CDH13: variants seen among roughly 807,000 people sequenced by gnomAD.
CDH13 encodes the protein cadherin-13.
CDH13 carries 24 observed loss-of-function variants against 63.8 expected under a neutral mutation model. The observed-to-expected ratio is 0.38, with a 90% CI of 0.27 to 0.53. The LOEUF is 0.53. CDH13 is among the 20% of genes least tolerant of loss of function. CDH13 has a pLI of 0.85. For synonymous variants in CDH13, 503 were observed against 355.3 expected (o/e 1.42, Z -4.67); for missense variants, 1,049 against 903.1 (o/e 1.16, Z -2.07).
chr16:83,645,994 T>C (rs1484047087), intron 8 of CDH13, among the ~76,000 whole-genome samples: 2 of 152,208 alleles, frequency 1.3e-5, no homozygotes, highest in African/African-American at 4.8e-5. Context: ...AAATGTCTGC[T>C]GTAGGTTTGC....
intron 1 of CDH13, among the ~76,000 whole-genome samples, chr16:82,788,067 C>G (rs7185386): frequency 0.098 from 14,834 of 152,134 alleles, 764 homozygotes; most frequent in East Asian, 0.22. Flanking sequence ...AATAATAAGT[C>G]AGTGCTCTCT....
At chr16:83,335,663 G>T (rs901850699) in intron 5 of CDH13, among the ~76,000 whole-genome samples, 6 of 152,234 alleles carry the variant, frequency 3.9e-5, no homozygotes, top group African/African-American at 1.4e-4. Context: ...GTTAAAGATT[G>T]ACCCCTGACC....
At chr16:83,260,548 A>G (rs892915955) in intron 5 of CDH13, among the ~76,000 whole-genome samples, 2 of 152,192 alleles carry the variant, frequency 1.3e-5, no homozygotes, top group Non-Finnish European at 2.9e-5. Flanking sequence ...AACTCTGTGC[A>G]TCGGAATCAC....
At chr16:82,921,890 G>C (rs562809019) in intron 2 of CDH13, among the ~76,000 whole-genome samples, 1 of 151,910 alleles carries the variant, frequency 6.6e-6, no homozygotes, top group Non-Finnish European at 1.5e-5. Flanking sequence ...GCTTTTCTTT[G>C]CAGAAATATT....
At chr16:83,608,347 A>C (rs1908540149) in intron 8 of CDH13, among the ~76,000 whole-genome samples, 1 of 152,226 alleles carries the variant, frequency 6.6e-6, no homozygotes, top group East Asian at 1.9e-4. Context: ...GTCAAGCTGC[A>C]AGTGAGCCAT....
At chr16:82,831,435 G>C (rs1215665513) in intron 1 of CDH13, among the ~76,000 whole-genome samples, 2 of 151,922 alleles carry the variant, frequency 1.3e-5, no homozygotes, top group African/African-American at 4.8e-5. Flanking sequence ...GGAGATCCTG[G>C]GAAATGGCAT....
chr16:83,702,278 C>G (rs1419640913), intron 10 of CDH13, among the ~76,000 whole-genome samples: 1 of 152,126 alleles, frequency 6.6e-6, no homozygotes, highest in East Asian at 1.9e-4. Flanking sequence ...GTAATAATAG[C>G]TTCTGTGATA....
At chr16:82,689,644 T>A (rs1915438665) in intron 1 of CDH13, among the ~76,000 whole-genome samples, 2 of 152,118 alleles carry the variant, frequency 1.3e-5, no homozygotes, top group African/African-American at 4.8e-5. Flanking sequence ...ATGTTTAACA[T>A]AAATCAGGAT....
At chr16:83,740,572 C>T (rs1359746243) in intron 10 of CDH13, among the ~76,000 whole-genome samples, 1 of 152,160 alleles carries the variant, frequency 6.6e-6, no homozygotes, top group Non-Finnish European at 1.5e-5. Flanking sequence ...AGTTTTGGTC[C>T]ATGTGCCATC....
At chr16:82,835,722 T>G (rs1040838535) in intron 1 of CDH13, among the ~76,000 whole-genome samples, 2 of 152,200 alleles carry the variant, frequency 1.3e-5, no homozygotes, top group African/African-American at 4.8e-5. Context: ...CTAGTTTTGC[T>G]GGTCTCAACT....
At chr16:83,115,021 G>A (rs775571473) in intron 3 of CDH13, among the ~76,000 whole-genome samples, 28 of 152,114 alleles carry the variant, frequency 1.8e-4, no homozygotes, top group Admixed American at 8.5e-4. Flanking sequence ...TTTAGCCAGG[G>A]GCTGGAGATT....
At chr16:82,962,534 TC>T (rs1365237449) in intron 2 of CDH13, among the ~76,000 whole-genome samples, 1 of 152,130 alleles carries the variant, frequency 6.6e-6, no homozygotes, top group African/African-American at 2.4e-5. Context: ...AGAGATGGGG[TC>T]CATGAGAAGG....
chr16:83,538,618 A>G (rs1216419428), intron 7 of CDH13, among the ~76,000 whole-genome samples: 1 of 152,212 alleles, frequency 6.6e-6, no homozygotes, highest in East Asian at 1.9e-4. Flanking sequence ...CATAGAGGAA[A>G]AGGGTAGATT....
At chr16:83,612,159 A>C (rs1908917139) in intron 8 of CDH13, among the ~76,000 whole-genome samples, 1 of 152,054 alleles carries the variant, frequency 6.6e-6, no homozygotes, top group Admixed American at 6.6e-5. Flanking sequence ...GGTACTATTA[A>C]ATTTTTAAAA....
intron 3 of CDH13, among the ~76,000 whole-genome samples, chr16:83,042,302 A>G (rs12932592): frequency 0.23 from 35,296 of 152,132 alleles, 4,785 homozygotes; most frequent in African/African-American, 0.36. Context: ...CTGCCTGAGC[A>G]CTGCCTGCTG....
At chr16:83,008,757 C>T (rs552666106) in intron 2 of CDH13, among the ~76,000 whole-genome samples, 21 of 152,286 alleles carry the variant, frequency 1.4e-4, no homozygotes, top group Non-Finnish European at 2.2e-4. Context: ...TTTCTCCCTC[C>T]TTCCTTTCAT....
chr16:83,706,296 A>G (rs1382126912), intron 10 of CDH13, among the ~76,000 whole-genome samples: 1 of 152,176 alleles, frequency 6.6e-6, no homozygotes, highest in Non-Finnish European at 1.5e-5. Flanking sequence ...GCCTTTTATG[A>G]TCCAGCCTCA....
At chr16:83,510,198 T>C (rs2074524133) in intron 7 of CDH13, among the ~76,000 whole-genome samples, 1 of 151,972 alleles carries the variant, frequency 6.6e-6, no homozygotes, top group Admixed American at 6.6e-5. Context: ...TATTTTCGAG[T>C]GGATAAAGTG....
intron 6 of CDH13, among the ~76,000 whole-genome samples, chr16:83,379,938 T>TAGAGAGAGAGAGAGAGAG (rs71148831): frequency 3.2e-5 from 4 of 123,456 alleles, no homozygotes; most frequent in African/African-American, 1.3e-4. Flanking sequence ...TATATATATA[T>TAGAGAGAGAGAGAGAGAG]AGAGAGAGAG....
Sources: gnomAD v4.1 joint callset for allele counts (sites outside exome capture counted in the v4.1 genomes callset) on GRCh38, gnomAD v4.1.1 for gene constraint, MANE v1.5 for transcripts, NCBI Gene and HGNC (gene_info 2026-07-23, HGNC 2026-07-21) for gene names.